The following KCNJ3 variants were observed in gnomAD, a reference collection of about 807,000 sequenced individuals.
The protein encoded by KCNJ3 is potassium inwardly rectifying channel subfamily J member 3.
A neutral mutation model predicts 39.2 loss-of-function variants in KCNJ3; 4 were observed. The ratio of observed to expected loss-of-function variants is 0.10; its 90% CI spans 0.05 to 0.23. KCNJ3 has a LOEUF of 0.23. Ranked by LOEUF, KCNJ3 falls within the 10% of genes least tolerant of loss-of-function variation. The probability of loss-of-function intolerance (pLI) is 1.00; values close to 1 mark genes in which losing one functional copy is unlikely to be tolerated. For missense variants in KCNJ3, 276 were observed against 634.9 expected (o/e 0.43, Z 6.08); for synonymous variants, 230 against 237.4 (o/e 0.97, Z 0.29).
rs894396649 is a variant in KCNJ3 at position 154,830,262 on chromosome 2, A to C, written c.920-24465A>C. 2.0e-5 allele frequency among the ~76,000 whole-genome samples: 3 copies of C among 152,258 alleles called. No homozygotes were observed. In the Middle Eastern group the frequency reaches 0.01, roughly 518 times the overall value. ...CACTATTCAGGCAATAAGGTTATTC[A>C]CTTACAAAAGACATAATTTTTATTT... On this transcript the variant is annotated intron_variant, in intron 2 of 2. Transcript: ENST00000295101.
chr2:154,812,896 CGTAA>C (rs1023790705), intron 2 of KCNJ3, among the ~76,000 whole-genome samples: 27 of 152,098 alleles, frequency 1.8e-4, no homozygotes, highest in African/African-American at 4.8e-4. Flanking sequence ...ATAAAATAAT[CGTAA>C]GTAAGATTTA....
At chr2:154,815,607 T>C (rs1687071267) in intron 2 of KCNJ3, among the ~76,000 whole-genome samples, 2 of 152,204 alleles carry the variant, frequency 1.3e-5, no homozygotes, top group South Asian at 2.1e-4. Flanking sequence ...TGCATAGGCA[T>C]ATATGAAGTG....
chr2:154,704,284 T>C (rs1289004164), intron 1 of KCNJ3, among the ~76,000 whole-genome samples: 1 of 151,984 alleles, frequency 6.6e-6, no homozygotes, highest in African/African-American at 2.4e-5. Context: ...GAACAAATGA[T>C]AAAGCGAAGC....
At chr2:154,802,085 G>GT (rs1292474800) in intron 2 of KCNJ3, among the ~76,000 whole-genome samples, 1 of 152,028 alleles carries the variant, frequency 6.6e-6, no homozygotes, top group Non-Finnish European at 1.5e-5. Context: ...GGTTCTAACT[G>GT]TAATTGTGAG....
chr2:154,850,637 A>ATGAT (rs1479492495), intron 2 of KCNJ3, among the ~76,000 whole-genome samples: 2 of 152,208 alleles, frequency 1.3e-5, no homozygotes, highest in Non-Finnish European at 2.9e-5. Context: ...TTTTAAAACT[A>ATGAT]TGATTGTGAA....
chr2:154,755,386 G>T (rs937562408), intron 2 of KCNJ3, among the ~76,000 whole-genome samples: 2 of 151,342 alleles, frequency 1.3e-5, no homozygotes, highest in African/African-American at 4.9e-5. Flanking sequence ...GATAAGTTTT[G>T]TCATGTGTAT....
chr2:154,717,788 CCT>C (rs1685205964), intron 2 of KCNJ3, among the ~76,000 whole-genome samples: 1 of 152,066 alleles, frequency 6.6e-6, no homozygotes, highest in African/African-American at 2.4e-5. Flanking sequence ...CTGTAATTTT[CCT>C]CTCTTAATGA....
chr2:154,851,700 T>C (rs2105140407), intron 2 of KCNJ3, among the ~76,000 whole-genome samples: 1 of 152,330 alleles, frequency 6.6e-6, no homozygotes, highest in African/African-American at 2.4e-5. Flanking sequence ...ATTCTCCACC[T>C]TCCTTTTCAG....
chr2:154,813,186 T>C (rs1687030649), intron 2 of KCNJ3, among the ~76,000 whole-genome samples: 1 of 152,174 alleles, frequency 6.6e-6, no homozygotes, highest in Non-Finnish European at 1.5e-5. Context: ...TTTTTTCTAG[T>C]CTACTTGCCC....
At chr2:154,843,950 C>T (rs567150645) in intron 2 of KCNJ3, among the ~76,000 whole-genome samples, 63 of 152,336 alleles carry the variant, frequency 4.1e-4, no homozygotes, top group African/African-American at 1.5e-3. Context: ...TCTGTCAACT[C>T]GTCAAAGTCG....
In KCNJ3 at chr2:154,814,506, A is replaced by G. The variant is rs531578465; in HGVS notation, c.920-40221A>G. Among the ~76,000 whole-genome samples, 3 of 152,156 alleles carry G rather than the reference A, an allele frequency of 2.0e-5. No individual in the cohort carries two copies. In the East Asian group the frequency reaches 5.8e-4, roughly 30 times the overall value. ...TACAAAATTACCCTGGTGTGGTGGC[A>G]GGAGCCTGTAATCCCAGCTACTCAG... On this transcript the variant is annotated intron_variant, in intron 2 of 2. Coordinates refer to ENST00000295101, the MANE Select transcript of KCNJ3 (RefSeq NM_002239.4).
intron 2 of KCNJ3, among the ~76,000 whole-genome samples, chr2:154,749,044 A>G (rs1376064747): frequency 1.3e-5 from 2 of 152,160 alleles, no homozygotes; most frequent in African/African-American, 4.8e-5. Flanking sequence ...TTTAAAAGTT[A>G]CCAGATCTGC....
chr2:154,712,538 C>G (rs1364236705), intron 2 of KCNJ3, among the ~76,000 whole-genome samples: 1 of 152,002 alleles, frequency 6.6e-6, no homozygotes, highest in Non-Finnish European at 1.5e-5. Flanking sequence ...AAGTATGTAT[C>G]GAATGTGTGT....
intron 2 of KCNJ3, among the ~76,000 whole-genome samples, chr2:154,800,752 G>A (rs993199320): frequency 6.6e-6 from 1 of 152,026 alleles, no homozygotes; most frequent in Non-Finnish European, 1.5e-5. Context: ...TTTCAGAAAT[G>A]CATTTTAAAT....
intron 2 of KCNJ3, among the ~76,000 whole-genome samples, chr2:154,778,417 A>C (rs1686376473): frequency 6.6e-6 from 1 of 152,194 alleles, no homozygotes; most frequent in African/African-American, 2.4e-5. Context: ...TCTTTCAAGA[A>C]TAAATGACAG....
rs1687869773 is a variant in KCNJ3, at chr2:154,857,920, A to AAAAAAAAAAAAAAAAAAG, written c.*2614_*2615insAAAAAAAAAAGAAAAAAA. The AAAAAAAAAAAAAAAAAAG allele has an allele frequency of 7.4e-6, 1 of 135,720 alleles. No individual in the cohort carries two copies. The highest frequency in any genetic ancestry group is 1.6e-5 in the Non-Finnish European group (1 of 63,398). The allele number at this position is 135,720 out of a possible 1,614,324, so 8.4% of individuals were successfully genotyped here. ...AAAAAAAAAAAAAAAAAAAAAAAAA[A>AAAAAAAAAAAAAAAAAAG]AAAAAAAGAATAAAAACAGGGTAAC... On this transcript the variant is annotated 3_prime_UTR_variant, in exon 3 of 3. Coordinates refer to ENST00000295101, the MANE Select transcript of KCNJ3 (RefSeq NM_002239.4).
intron 2 of KCNJ3, among the ~76,000 whole-genome samples, chr2:154,794,050 A>G (rs1312664921): frequency 6.6e-6 from 1 of 151,972 alleles, no homozygotes; most frequent in Non-Finnish European, 1.5e-5. Flanking sequence ...AAGCTAATCT[A>G]TGAGAAAAGT....
intron 2 of KCNJ3, among the ~76,000 whole-genome samples, chr2:154,837,021 T>C (rs552000915): frequency 6.6e-6 from 1 of 152,222 alleles, no homozygotes; most frequent in Non-Finnish European, 1.5e-5. Flanking sequence ...CAATCATAGT[T>C]ACACGAGGGA....
intron 2 of KCNJ3, among the ~76,000 whole-genome samples, chr2:154,821,565 C>G (rs1261540378): frequency 6.7e-6 from 1 of 148,606 alleles, no homozygotes; most frequent in Non-Finnish European, 1.5e-5. Flanking sequence ...CAGCCTGCCT[C>G]AAAAGCTTGC....
Sources: allele counts gnomAD v4.1 joint callset (sites outside exome capture counted in the v4.1 genomes callset), GRCh38; gene constraint gnomAD v4.1.1; transcripts MANE v1.5; gene names NCBI Gene and HGNC (gene_info 2026-07-23, HGNC 2026-07-21).